Variants in EYS observed in about 807,000 individuals in gnomAD.
EYS encodes protein eyes shut homolog.
A neutral mutation model predicts 282.1 loss-of-function variants in EYS; 250 were observed. That is an observed-to-expected ratio of 0.89 (90% CI 0.80 to 0.98). The LOEUF (loss-of-function observed/expected upper bound fraction) is 0.98. Among genes scored for constraint, EYS ranks in the 50% least tolerant of loss-of-function variants. EYS has a pLI of 0.00. For missense variants in EYS, 4,016 were observed against 3,709.0 expected, an observed-to-expected ratio of 1.08 and a Z score of -2.15; for synonymous variants, 1,355 against 1,282.9, an observed-to-expected ratio of 1.06 and a Z score of -1.20.
At chr6:65,428,542 A>G (rs930049359) in intron 5 of EYS, among the ~76,000 whole-genome samples, 1 of 151,710 alleles carries the variant, frequency 6.6e-6, no homozygotes, top group Admixed American at 6.6e-5. Flanking sequence ...TTAAGTAACT[A>G]TCCAAGCTGG....
At chr6:65,076,218 T>C (rs374905724) in intron 12 of EYS, among the ~76,000 whole-genome samples, 61 of 152,158 alleles carry the variant, frequency 4.0e-4, no homozygotes, top group African/African-American at 1.4e-3. Context: ...CACTCTTTTA[T>C]TGTGGCATTT....
intron 30 of EYS, among the ~76,000 whole-genome samples, chr6:64,274,879 A>T (rs886800292): frequency 6.6e-6 from 1 of 152,218 alleles, no homozygotes; most frequent in Non-Finnish European, 1.5e-5. Flanking sequence ...ATAAATGAAA[A>T]AAAAAAAGTT....
At chr6:65,271,677 G>C (rs1767909918) in intron 12 of EYS, among the ~76,000 whole-genome samples, 1 of 151,812 alleles carries the variant, frequency 6.6e-6, no homozygotes, top group Admixed American at 6.6e-5. Flanking sequence ...ATGCCCCCTG[G>C]GTTCAAGAAA....
At chr6:65,700,352 A>G (rs1046855068) in intron 1 of EYS, among the ~76,000 whole-genome samples, 1 of 151,992 alleles carries the variant, frequency 6.6e-6, no homozygotes, top group Admixed American at 6.6e-5. Flanking sequence ...GATATTAGGA[A>G]ACAGAGTCTG....
chr6:64,327,968 G>C (rs531648871), intron 29 of EYS, among the ~76,000 whole-genome samples: 5 of 152,170 alleles, frequency 3.3e-5, no homozygotes, highest in Non-Finnish European at 5.9e-5. Context: ...AGCCGCCTTA[G>C]GTCAGGCCAT....
chr6:64,155,989 TA>T, intron 31 of EYS, among the ~76,000 whole-genome samples: 1 of 151,132 alleles, frequency 6.6e-6, no homozygotes, highest in African/African-American at 2.4e-5. Context: ...TATATATATA[TA>T]TGTGTGTGTG....
At position 65,315,226 on chromosome 6, in the gene EYS, TTTTA is replaced by T. The variant is rs1466730589; in HGVS notation, c.1767-19111_1767-19108del. Among the ~76,000 whole-genome samples the T allele has an allele frequency of 3.3e-5, 5 of 152,142 alleles. No homozygotes were observed. In the South Asian group the frequency reaches 1.0e-3, roughly 32 times the overall value. On this transcript the variant is annotated intron_variant, in intron 11 of 42. Coordinates refer to ENST00000503581, the MANE Select transcript of EYS (RefSeq NM_001142800.2). ...ATTTTCTAATTCATAGACATTCTAA[TTTTA>T]TTTGTCTTTTTCTCTCAAATACCAT...
At position 65,329,384 on chromosome 6, in the gene EYS, T is replaced by A. The variant is rs936281706; in HGVS notation, c.1766+5596A>T. The A allele has an allele frequency of 6.7e-6, 6 of 892,926 alleles. No individual in the cohort carries two copies. The South Asian group carries it at 3.1e-4, about 46-fold the overall frequency. The allele number at this position is 892,926 out of a possible 1,614,324, so 55.3% of individuals were successfully genotyped here. A position where few individuals can be genotyped will look rare whatever the true frequency, so the allele number is the denominator to read the frequency against. On this transcript the variant is annotated intron_variant, in intron 11 of 42. Coordinates refer to ENST00000503581, the MANE Select transcript of EYS (RefSeq NM_001142800.2). The stretch of plus-strand genomic sequence containing the variant: ...ATTGCTTAAATGAATGATTTCTATA[T>A]CATTTTACTATAAGGATTTAAGAAC...
At chr6:65,577,696 C>T (rs1203370911) in intron 2 of EYS, among the ~76,000 whole-genome samples, 2 of 147,578 alleles carry the variant, frequency 1.4e-5, no homozygotes, top group Non-Finnish European at 3.0e-5. Flanking sequence ...ACTTTATATC[C>T]AAACTATATA....
At chr6:64,508,880 G>A (rs771613529) in intron 26 of EYS, among the ~76,000 whole-genome samples, 1 of 151,772 alleles carries the variant, frequency 6.6e-6, no homozygotes, top group African/African-American at 2.4e-5. Flanking sequence ...TGTATCATTA[G>A]GTTAAAGACT....
intron 26 of EYS, among the ~76,000 whole-genome samples, chr6:64,450,218 A>C (rs1775275411): frequency 6.6e-6 from 1 of 152,166 alleles, no homozygotes. Context: ...CTAGTCTCTG[A>C]TAAAACAGAC....
At chr6:63,943,939 G>T (rs2149759870) in intron 35 of EYS, among the ~76,000 whole-genome samples, 1 of 152,228 alleles carries the variant, frequency 6.6e-6, no homozygotes, top group South Asian at 2.1e-4. Context: ...AGGAAGAAAG[G>T]CTTTTTCTTT....
In EYS at chr6:65,263,707, G is replaced by T. The variant is rs183324199; in HGVS notation, c.2023+32156C>A. Among the ~76,000 whole-genome samples, 1,083 of 143,354 alleles carry T rather than the reference G, an allele frequency of 7.6e-3. 14 individuals carry two copies. Among genetic ancestry groups the T allele is most frequent in the African/African-American group, 0.028 (1,008 of 35,728 alleles). The allele number at this position is 143,354 out of a possible 152,430, so 94.0% of individuals were successfully genotyped here. A position where few individuals can be genotyped will look rare whatever the true frequency, so the allele number is the denominator to read the frequency against. On this transcript the variant is annotated intron_variant, in intron 12 of 42. Transcript: ENST00000503581. ...AAAAGCAAAAACAAGGCAAAGCTGTGTGTGTGTGTGTGTGTGTGTGTGTGT... is the reference window on the plus strand; with the variant it reads ...AAAAGCAAAAACAAGGCAAAGCTGTTTGTGTGTGTGTGTGTGTGTGTGTGT...
chr6:64,755,569 TAAAAG>T (rs1237745642), intron 22 of EYS, among the ~76,000 whole-genome samples: 29 of 131,148 alleles, frequency 2.2e-4, no homozygotes, highest in African/African-American at 7.6e-4. Context: ...GCCAGAAAAA[TAAAAG>T]AAATCATGTC....
chr6:65,665,926 A>G (rs1330669442), intron 1 of EYS, among the ~76,000 whole-genome samples: 1 of 152,016 alleles, frequency 6.6e-6, no homozygotes, highest in Admixed American at 6.6e-5. Flanking sequence ...ATTTGTGTCA[A>G]ACTTCTCTCT....
In EYS at chr6:64,712,043, G is replaced by T. The variant is rs1014192535; in HGVS notation, c.3444-85798C>A. ...ACCCAGAGGACAAGTTCTCAATCTG[G>T]TCCAAGGATTTAACTCGTAACTTGG... On this transcript the variant is annotated intron_variant, in intron 22 of 42. Coordinates refer to ENST00000503581, the MANE Select transcript of EYS (RefSeq NM_001142800.2). 1.1e-4 allele frequency among the ~76,000 whole-genome samples: 17 copies of T among 152,306 alleles called. No individual in the cohort carries two copies. In the Middle Eastern group the frequency reaches 0.01, roughly 91 times the overall value.
chr6:65,443,350 A>G (rs376365796), intron 5 of EYS, among the ~76,000 whole-genome samples: 2 of 106,612 alleles, frequency 1.9e-5, no homozygotes, highest in Admixed American at 1.1e-4. Context: ...ACACATATAG[A>G]CATATATGCA....
chr6:65,116,769 A>G (rs1775387423), intron 12 of EYS, among the ~76,000 whole-genome samples: 1 of 152,232 alleles, frequency 6.6e-6, no homozygotes, highest in Non-Finnish European at 1.5e-5. Context: ...TTATATCTAC[A>G]TTAAGCAGAA....
At position 63,720,834 on chromosome 6, in the gene EYS, A is replaced by G; in HGVS notation, c.9197T>C (p.Leu3066Pro). The G allele has an allele frequency of 6.4e-7, 1 of 1,551,274 alleles. No homozygotes were observed. The highest frequency in any genetic ancestry group is 8.7e-7 in the Non-Finnish European group (1 of 1,146,688). The change falls in exon 43 of 43, where the codon CTT becomes CCT. Residue 3066 changes from leucine (L) to proline (P), a missense_variant. Coordinates refer to ENST00000503581, the MANE Select transcript of EYS (RefSeq NM_001142800.2). ...TTTATGTGGATCAATATCCTCGGAA[A>G]GAATTAGACTGTTATTTATGTAGGC... Reference protein sequence around the residue: ...IKAYINNSLILSEDIDPHKNF... With the variant: ...IKAYINNSLIPSEDIDPHKNF...
Sources: allele counts gnomAD v4.1 joint callset (sites outside exome capture counted in the v4.1 genomes callset), GRCh38; gene constraint gnomAD v4.1.1; transcripts MANE v1.5; gene names NCBI Gene and HGNC (gene_info 2026-07-23, HGNC 2026-07-21).